SLC4A4: variants seen among roughly 807,000 people sequenced by gnomAD.
SLC4A4 encodes the protein solute carrier family 4 member 4.
SLC4A4 carries 27 observed loss-of-function variants against 111.5 expected under a neutral mutation model. That is an observed-to-expected ratio of 0.24 (90% CI 0.18 to 0.33). The LOEUF (loss-of-function observed/expected upper bound fraction) is 0.33. Among genes scored for constraint, SLC4A4 ranks in the 10% least tolerant of loss-of-function variants. The pLI is 1.00. For synonymous variants in SLC4A4, 443 were observed against 463.4 expected, an observed-to-expected ratio of 0.96 and a Z score of 0.57; for missense variants, 909 against 1,315.5, an observed-to-expected ratio of 0.69 and a Z score of 4.78.
rs573158876 is a variant in SLC4A4, at chr4:71,241,844, G to A, written c.73+5195G>A. Among the ~76,000 whole-genome samples the A allele has an allele frequency of 2.0e-5, 3 of 152,146 alleles. No individual in the cohort carries two copies. The South Asian group carries it at 6.2e-4, about 32-fold the overall frequency. ...AGTTGGTACTTGAATAGTAACATAG[G>A]TTTCCCAGAACAGGTTGAGCCCATA... is the stretch of plus-strand genomic sequence containing the variant. On this transcript the variant is annotated intron_variant, in intron 2 of 25. Transcript: ENST00000264485.
At chr4:71,231,792 T>G (rs2149032721) in intron 1 of SLC4A4, among the ~76,000 whole-genome samples, 1 of 152,274 alleles carries the variant, frequency 6.6e-6, no homozygotes, top group African/African-American at 2.4e-5. Flanking sequence ...TAAGAATGGG[T>G]TTGAGGGCCT....
chr4:71,196,170 C>T (rs1745991118), intron 1 of SLC4A4, among the ~76,000 whole-genome samples: 1 of 152,214 alleles, frequency 6.6e-6, no homozygotes, highest in Non-Finnish European at 1.5e-5. Flanking sequence ...TCTGGAGACT[C>T]TGTCCTTAGG....
At chr4:71,555,800 G>A (rs1314734729) in intron 21 of SLC4A4, among the ~76,000 whole-genome samples, 1 of 151,924 alleles carries the variant, frequency 6.6e-6, no homozygotes, top group Non-Finnish European at 1.5e-5. Context: ...TACTTGGGAG[G>A]CTGAGGTGAA....
At chr4:71,260,438 A>G (rs1721774355) in intron 3 of SLC4A4, among the ~76,000 whole-genome samples, 2 of 152,158 alleles carry the variant, frequency 1.3e-5, no homozygotes, top group Non-Finnish European at 2.9e-5. Context: ...CGATCTATAT[A>G]TAGGAGAAAA....
chr4:71,526,812 T>C (rs1005355885), intron 16 of SLC4A4, among the ~76,000 whole-genome samples: 1 of 151,992 alleles, frequency 6.6e-6, no homozygotes, highest in Non-Finnish European at 1.5e-5. Context: ...AATGTGTTTC[T>C]TTGACTTTTC....
chr4:71,560,673 CT>C (rs746263639), intron 23 of SLC4A4, among the ~76,000 whole-genome samples: 89 of 151,754 alleles, frequency 5.9e-4, no homozygotes, highest in Non-Finnish European at 9.6e-4. Flanking sequence ...AATGATCTCA[CT>C]TCACGTGATC....
upstream of SLC4A4, among the ~76,000 whole-genome samples, chr4:71,182,262 G>A (rs1175093968): frequency 1.3e-5 from 2 of 152,032 alleles, no homozygotes; most frequent in East Asian, 3.9e-4. Flanking sequence ...ATGCCATGAA[G>A]GCACATTTGC....
intron 1 of SLC4A4, among the ~76,000 whole-genome samples, chr4:71,231,385 G>T (rs1411120952): frequency 6.6e-6 from 1 of 152,230 alleles, no homozygotes; most frequent in East Asian, 1.9e-4. Flanking sequence ...TGTTTCTCAT[G>T]CTGGGCTTAA....
chr4:71,086,812 T>G (rs1742190457), intron 1 of SLC4A4, among the ~76,000 whole-genome samples: 1 of 152,074 alleles, frequency 6.6e-6, no homozygotes, highest in South Asian at 2.1e-4. Flanking sequence ...TTTGCCAGTA[T>G]TTTATTGAGG....
rs369008208 is a variant in SLC4A4 at position 71,182,068 on chromosome 4, TG to T, written c.-1-54507del. The stretch of plus-strand genomic sequence containing the variant: ...ATGGACATTATTTTGTCCACTTATT[TG>T]TTTACTTGTAAGTTCCATGAAGCAG... On this transcript the variant is annotated intron_variant, in intron 2 of 26. Transcript: ENST00000649996. 1.2e-4 allele frequency among the ~76,000 whole-genome samples: 19 copies of T among 152,330 alleles called. 1 individual carries two copies. Among genetic ancestry groups the T allele is most frequent in the African/African-American group, 4.6e-4 (19 of 41,578 alleles).
chr4:71,370,250 G>T (rs915568241), intron 6 of SLC4A4, among the ~76,000 whole-genome samples: 10 of 152,150 alleles, frequency 6.6e-5, no homozygotes, highest in African/African-American at 2.4e-4. Context: ...CAGGACTTGA[G>T]CTTCATCATA....
intron 2 of SLC4A4, among the ~76,000 whole-genome samples, chr4:71,254,340 A>C (rs1164452232): frequency 6.6e-6 from 1 of 152,168 alleles, no homozygotes; most frequent in Non-Finnish European, 1.5e-5. Context: ...TAGATTTTGT[A>C]AAAATAATAC....
chr4:71,426,423 C>T (rs974359851), intron 7 of SLC4A4, among the ~76,000 whole-genome samples: 3 of 152,106 alleles, frequency 2.0e-5, no homozygotes, highest in African/African-American at 7.2e-5. Context: ...AAGCCGCCTA[C>T]TTCCCCATGT....
intron 23 of SLC4A4, among the ~76,000 whole-genome samples, chr4:71,562,177 C>G (rs928034003): frequency 1.3e-5 from 2 of 151,750 alleles, no homozygotes; most frequent in East Asian, 3.9e-4. Context: ...AAGTGTCGTA[C>G]TTGTTTTTTA....
chr4:71,272,088 A>G (rs893355926), intron 3 of SLC4A4, among the ~76,000 whole-genome samples: 7 of 152,224 alleles, frequency 4.6e-5, no homozygotes, highest in Admixed American at 3.9e-4. Flanking sequence ...AGAGACATAA[A>G]TTAACTAAAT....
At chr4:71,226,336 A>G (rs1298925331) in intron 1 of SLC4A4, among the ~76,000 whole-genome samples, 2 of 152,146 alleles carry the variant, frequency 1.3e-5, no homozygotes, top group African/African-American at 2.4e-5. Flanking sequence ...AAAGTAGTTT[A>G]TGGTGTGATT....
chr4:71,067,008 G>T (rs964736554), intron 1 of SLC4A4, among the ~76,000 whole-genome samples: 1 of 152,162 alleles, frequency 6.6e-6, no homozygotes, highest in African/African-American at 2.4e-5. Context: ...AGGTAAGGGG[G>T]TAGAGATGAG....
At chr4:71,311,890 T>TGA (rs761331086) in intron 3 of SLC4A4, among the ~76,000 whole-genome samples, 7,352 of 76,478 alleles carry the variant, frequency 0.096, 421 homozygotes, top group East Asian at 0.15. Flanking sequence ...TGCAAGGCTG[T>TGA]GAGAGAGAGA....
chr4:71,347,393 T>C (rs972429284), intron 4 of SLC4A4, among the ~76,000 whole-genome samples: 1 of 152,142 alleles, frequency 6.6e-6, no homozygotes, highest in African/African-American at 2.4e-5. Context: ...TTAGTTCTTA[T>C]AGTTCTGGAG....
Sources: gnomAD v4.1 joint callset for allele counts (sites outside exome capture counted in the v4.1 genomes callset) on GRCh38, gnomAD v4.1.1 for gene constraint, MANE v1.5 for transcripts, NCBI Gene and HGNC (gene_info 2026-07-23, HGNC 2026-07-21) for gene names.